Variants in TEN1 observed in about 807,000 individuals in gnomAD.
The protein encoded by TEN1 is TEN1 subunit of CST complex.
In TEN1, 6 loss-of-function variants were observed where a neutral mutation model predicts 9.3. The ratio of observed to expected loss-of-function variants is 0.65; its 90% CI spans 0.35 to 1.27. The LOEUF is 1.27. Among genes scored for constraint, TEN1 ranks in the 50% most tolerant of loss-of-function variants. TEN1 has a pLI of 0.03. For synonymous variants in TEN1, 65 were observed against 65.6 expected (o/e 0.99, Z 0.04); for missense variants, 149 against 158.2 (o/e 0.94, Z 0.31).
intron 2 of TEN1, among the ~76,000 whole-genome samples, chr17:75,990,631 C>T (rs1246588353): frequency 1.4e-5 from 2 of 145,634 alleles, no homozygotes; most frequent in Non-Finnish European, 3.0e-5. Flanking sequence ...CCCAGGAGTT[C>T]GAGACCAGTG....
chr17:75,999,711 A>G (rs1203092484), intron 3 of TEN1, among the ~76,000 whole-genome samples: 1 of 152,178 alleles, frequency 6.6e-6, no homozygotes, highest in East Asian at 1.9e-4. Flanking sequence ...GAATAGTGGC[A>G]AACCTTTCCA....
chr17:75,981,653 A>C (rs1567894489), intron 1 of TEN1, among the ~76,000 whole-genome samples: 1 of 147,054 alleles, frequency 6.8e-6, no homozygotes, highest in African/African-American at 2.6e-5. Context: ...TTCTCCCCCG[A>C]GCCTAGCCAG....
At chr17:75,996,745 AGAAAG>A (rs1369067746) in intron 3 of TEN1, among the ~76,000 whole-genome samples, 1 of 151,676 alleles carries the variant, frequency 6.6e-6, no homozygotes, top group Non-Finnish European at 1.5e-5. Flanking sequence ...AGAAAGAAAA[AGAAAG>A]AAAAGAAAAG....
chr17:76,000,304 G>GAACCCTC lies in TEN1; in HGVS notation c.*43_*49dup. The GAACCCTC allele has an allele frequency of 6.5e-7, 1 of 1,536,940 alleles. No homozygotes were observed. The stretch of plus-strand genomic sequence containing the variant: ...AACACCCTCACCTGCTTCAGAGCCC[G>GAACCCTC]AACCCTCTGGAGCTGCAGGAGCCCG... On this transcript the variant is annotated 3_prime_UTR_variant, in exon 4 of 4. Coordinates refer to ENST00000397640, the MANE Select transcript of TEN1 (RefSeq NM_001113324.3). This position sits in a 1 kb window ranked among gnomAD's most constrained non-coding sequence, Gnocchi z 5.9.
intron 2 of TEN1, among the ~76,000 whole-genome samples, chr17:75,988,937 A>AT (rs952616299): frequency 2.7e-5 from 4 of 150,836 alleles, no homozygotes; most frequent in East Asian, 2.0e-4. Context: ...CACCCGGCTA[A>AT]TTTTTTTTAT....
intron 1 of TEN1, among the ~76,000 whole-genome samples, chr17:75,983,221 C>G (rs1252669734): frequency 6.6e-6 from 1 of 151,846 alleles, no homozygotes; most frequent in African/African-American, 2.4e-5. Flanking sequence ...GCAGTGGTTA[C>G]AGTGAGCCGA....
intron 3 of TEN1, among the ~76,000 whole-genome samples, chr17:75,995,711 C>T (rs2066214393): frequency 1.3e-5 from 2 of 152,318 alleles, no homozygotes; most frequent in Admixed American, 1.3e-4. Flanking sequence ...CACTGGACCA[C>T]AGCAAACAGC....
At chr17:75,990,542 A>T (rs1239659617) in intron 2 of TEN1, among the ~76,000 whole-genome samples, 3 of 151,834 alleles carry the variant, frequency 2.0e-5, no homozygotes, top group Admixed American at 1.3e-4. Context: ...CATATTGAAA[A>T]AAAAAAGATG....
rs2066244272 is a variant in TEN1, at chr17:76,000,024, A to G, written c.251-117A>G. 6.9e-7 allele frequency: 1 copy of G among 1,451,818 alleles called. No homozygotes were observed. Among genetic ancestry groups the G allele is most frequent in the South Asian group, 1.4e-5 (1 of 71,398 alleles). The allele number at this position is 1,451,818 out of a possible 1,614,324, so 89.9% of individuals were successfully genotyped here. On this transcript the variant is annotated intron_variant, in intron 3 of 3. Transcript: ENST00000397640. The surrounding 1 kb of genome is among the most constrained non-coding windows in gnomAD (Gnocchi z 5.9). ...TGCCCCATATGCTGTTATTGTCCAC[A>G]TCACTTGCTGCCAAAACCCAGGACT...
intron 1 of TEN1, among the ~76,000 whole-genome samples, chr17:75,981,596 GTTTT>G (rs34873669): frequency 3.0e-5 from 4 of 132,344 alleles, no homozygotes; most frequent in Admixed American, 7.7e-5. Context: ...AAAGCAAGTT[GTTTT>G]TTTTTTTTTT....
At chr17:75,991,714 A>T in intron 3 of TEN1, 91 bp downstream of exon 3, 1 of 1,387,260 alleles carries the variant, frequency 7.2e-7, no homozygotes, top group Non-Finnish European at 9.7e-7. Flanking sequence ...CTCGTGACCC[A>T]ACAGCAATGT....
Position 76,000,098 on chromosome 17 carries a change from A to C in TEN1, c.251-43A>C. On this transcript the variant is annotated intron_variant, in intron 3 of 3. Coordinates refer to ENST00000397640, the MANE Select transcript of TEN1 (RefSeq NM_001113324.3). This position sits in a 1 kb window ranked among gnomAD's most constrained non-coding sequence, Gnocchi z 5.9. ...ATGCACCTTGGAGGACGTTGTTGAC[A>C]CGCCGCTCAGTCGCCGTTCGTGCCC... The C allele has an allele frequency of 1.3e-6, 2 of 1,542,380 alleles. No homozygotes were observed. Among genetic ancestry groups the C allele is most frequent in the African/African-American group, 1.4e-5 (1 of 73,002 alleles).
chr17:75,994,506 C>T (rs920515102), intron 3 of TEN1, among the ~76,000 whole-genome samples: 1 of 151,722 alleles, frequency 6.6e-6, no homozygotes, highest in Non-Finnish European at 1.5e-5. Flanking sequence ...GTCTCACTCT[C>T]TCACTCTGTC....
At chr17:75,995,950 G>C (rs1362597994) in intron 3 of TEN1, among the ~76,000 whole-genome samples, 5 of 152,050 alleles carry the variant, frequency 3.3e-5, no homozygotes, top group Non-Finnish European at 7.4e-5. Context: ...ATATTAGTGG[G>C]GTGTGGTGGC....
Position 75,979,409 on chromosome 17 carries a change from G to A in TEN1, c.-109G>A, listed in dbSNP as rs1259250363. 5 of 467,014 alleles carry A rather than the reference G, an allele frequency of 1.1e-5. No homozygotes were observed. The highest frequency in any genetic ancestry group is 2.0e-5 in the Non-Finnish European group (5 of 254,330). The allele number at this position is 467,014 out of a possible 1,614,324, so 28.9% of individuals were successfully genotyped here. A position where few individuals can be genotyped will look rare whatever the true frequency, so the allele number is the denominator to read the frequency against. On this transcript the variant is annotated 5_prime_UTR_variant, in exon 1 of 4. Coordinates refer to ENST00000397640, the MANE Select transcript of TEN1 (RefSeq NM_001113324.3). ...AAGAAACTGCCCTGCTGGGCGTCCG[G>A]GGAGTGGGAAAATAAAGCACTTTTT...
At chr17:75,983,827 G>A (rs181217824) in intron 1 of TEN1, among the ~76,000 whole-genome samples, 5 of 152,226 alleles carry the variant, frequency 3.3e-5, no homozygotes, top group South Asian at 2.1e-4. Flanking sequence ...GAGGGGGGCC[G>A]CAGGAGTGGT....
intron 1 of TEN1, among the ~76,000 whole-genome samples, chr17:75,981,462 C>T (rs1234864344): frequency 2.6e-5 from 4 of 152,126 alleles, no homozygotes; most frequent in Admixed American, 2.0e-4. Context: ...GCTGAGATTA[C>T]AGGCGTGAGC....
intron 2 of TEN1, among the ~76,000 whole-genome samples, chr17:75,987,916 C>CAA (rs34957837): frequency 1.8e-3 from 90 of 50,956 alleles, no homozygotes; most frequent in Non-Finnish European, 2.7e-3. Context: ...GACTCCATCT[C>CAA]AAAAAAAAAA....
In TEN1 at chr17:75,979,345, G is replaced by C; in HGVS notation, c.-173G>C. On this transcript the variant is annotated 5_prime_UTR_variant, in exon 1 of 4. Coordinates refer to ENST00000397640, the MANE Select transcript of TEN1 (RefSeq NM_001113324.3). ...AATCCCCTGCTCCTGGCCAGGGGAG[G>C]CTCCCGAGCGGATCCTCGGGAAAGG... The C allele has an allele frequency of 1.8e-6, 1 of 566,892 alleles. No homozygotes were observed. The highest frequency in any genetic ancestry group is 3.2e-6 in the Non-Finnish European group (1 of 316,340). 35.1% of individuals were successfully genotyped at this position (566,892 alleles called of 1,614,324 possible).
Sources: allele counts gnomAD v4.1 joint callset (sites outside exome capture counted in the v4.1 genomes callset), GRCh38; gene constraint gnomAD v4.1.1; non-coding constraint Gnocchi (gnomAD v3.1); transcripts MANE v1.5; gene names NCBI Gene and HGNC (gene_info 2026-07-23, HGNC 2026-07-21).